The following TMEM117 variants were observed in gnomAD, a reference collection of about 807,000 sequenced individuals.
TMEM117 encodes the protein transmembrane protein 117.
In TMEM117, 27 loss-of-function variants were observed where a neutral mutation model predicts 52.4. The ratio of observed to expected loss-of-function variants is 0.51; its 90% CI spans 0.38 to 0.71. The LOEUF (loss-of-function observed/expected upper bound fraction) is 0.71, where lower values mean the gene tolerates loss of function less well. Ranked by LOEUF, TMEM117 falls within the 30% of genes least tolerant of loss-of-function variation. The probability of loss-of-function intolerance (pLI) is 0.00; values close to 1 mark genes in which losing one functional copy is unlikely to be tolerated. For missense variants in TMEM117, 556 were observed against 630.5 expected, an observed-to-expected ratio of 0.88 and a Z score of 1.26; for synonymous variants, 215 against 206.3, an observed-to-expected ratio of 1.04 and a Z score of -0.36.
chr12:44,300,772 C>A (rs762656913), intron 6 of TMEM117, among the ~76,000 whole-genome samples: 1 of 151,902 alleles, frequency 6.6e-6, no homozygotes, highest in African/African-American at 2.4e-5. Flanking sequence ...AGAGGTAAAA[C>A]GGAATATTTT....
At chr12:44,009,041 A>G in intron 3 of TMEM117, 1 of 377,432 alleles carries the variant, frequency 2.6e-6, no homozygotes, top group Non-Finnish European at 5.2e-6. Context: ...AGCTTTTCCC[A>G]CATTCCTGAC....
the TMEM117 span, chr12:43,800,673 C>G: frequency 3.4e-6 from 2 of 594,046 alleles, no homozygotes; most frequent in Non-Finnish European, 5.9e-6. Flanking sequence ...TGCTAAAATA[C>G]GTGTGTACAA....
chr12:44,221,964 G>C (rs1388320102), intron 5 of TMEM117, among the ~76,000 whole-genome samples: 1 of 152,112 alleles, frequency 6.6e-6, no homozygotes. Context: ...CTCCCAAAGT[G>C]TTGGGATTAC....
At chr12:44,036,821 T>A (rs892033371) in intron 3 of TMEM117, among the ~76,000 whole-genome samples, 1 of 152,256 alleles carries the variant, frequency 6.6e-6, no homozygotes, top group Non-Finnish European at 1.5e-5. Flanking sequence ...GTTGTACCAA[T>A]TTATACTCTT....
chr12:44,117,051 C>G (rs1948156697), intron 3 of TMEM117, among the ~76,000 whole-genome samples: 1 of 152,158 alleles, frequency 6.6e-6, no homozygotes, highest in African/African-American at 2.4e-5. Context: ...AAACTCTCTC[C>G]CTTGTACTTG....
chr12:44,215,718 T>G (rs559454911), intron 5 of TMEM117, among the ~76,000 whole-genome samples: 1 of 146,980 alleles, frequency 6.8e-6, no homozygotes, highest in South Asian at 2.1e-4. Context: ...TCCCAAAGCC[T>G]TAGCTTTTTT....
intron 3 of TMEM117, among the ~76,000 whole-genome samples, chr12:44,055,777 T>G (rs1033985488): frequency 5.9e-5 from 9 of 152,212 alleles, no homozygotes; most frequent in African/African-American, 1.9e-4. Context: ...TCTCTTTAAG[T>G]AAAAATTTTA....
At chr12:44,163,465 G>T (rs946688634) in intron 4 of TMEM117, among the ~76,000 whole-genome samples, 4 of 151,984 alleles carry the variant, frequency 2.6e-5, no homozygotes, top group Non-Finnish European at 5.9e-5. Context: ...TTTTATTGAA[G>T]GTATGAAAAG....
At chr12:44,038,353 C>T (rs557716590) in intron 3 of TMEM117, among the ~76,000 whole-genome samples, 9 of 152,306 alleles carry the variant, frequency 5.9e-5, no homozygotes, top group African/African-American at 1.7e-4. Context: ...TTGTGTTCCC[C>T]AGTGCCAGCC....
chr12:43,805,654 AAC>A, the TMEM117 span: 31 of 632,810 alleles, frequency 4.9e-5, no homozygotes, highest in Non-Finnish European at 8.0e-5. Context: ...AAAAGATCAA[AAC>A]ACACGCTTAC....
chr12:44,190,927 T>G (rs927514922), intron 4 of TMEM117, among the ~76,000 whole-genome samples: 1 of 147,668 alleles, frequency 6.8e-6, no homozygotes, highest in Non-Finnish European at 1.5e-5. Context: ...ACTAGTAATA[T>G]ATATACTATA....
At chr12:44,133,047 C>T (rs1463138146) in intron 3 of TMEM117, among the ~76,000 whole-genome samples, 1 of 152,168 alleles carries the variant, frequency 6.6e-6, no homozygotes, top group Non-Finnish European at 1.5e-5. Flanking sequence ...TTTGAGACTG[C>T]AGGGCATCAG....
At chr12:44,152,556 ATAT>A (rs1426672335) in intron 4 of TMEM117, among the ~76,000 whole-genome samples, 1,709 of 120,660 alleles carry the variant, frequency 0.014, 50 homozygotes, top group African/African-American at 0.054. Context: ...TTTATATATA[ATAT>A]TTATATCATA....
At chr12:44,230,621 G>C (rs1949920085) in intron 5 of TMEM117, among the ~76,000 whole-genome samples, 1 of 151,902 alleles carries the variant, frequency 6.6e-6, no homozygotes, top group Non-Finnish European at 1.5e-5. Flanking sequence ...CTAAAAGACA[G>C]ATCAAAATGT....
chr12:44,044,211 G>C (rs1168082), intron 3 of TMEM117, among the ~76,000 whole-genome samples: 13,000 of 152,272 alleles, frequency 0.085, 659 homozygotes, highest in African/African-American at 0.14. Context: ...TGCTCTTCTT[G>C]AGGTGTCAGT....
intron 2 of TMEM117, among the ~76,000 whole-genome samples, chr12:43,903,207 G>C (rs1944332901): frequency 6.6e-6 from 1 of 152,166 alleles, no homozygotes; most frequent in Non-Finnish European, 1.5e-5. Context: ...AAGAAAAGTG[G>C]ATGCCATGAA....
At chr12:43,902,498 A>G (rs138430060) in intron 2 of TMEM117, among the ~76,000 whole-genome samples, 8 of 152,314 alleles carry the variant, frequency 5.3e-5, no homozygotes, top group African/African-American at 1.9e-4. Flanking sequence ...ACATTGAGCT[A>G]AAGTTCCCTT....
chr12:44,001,343 C>T (rs560432173), intron 3 of TMEM117, among the ~76,000 whole-genome samples: 1 of 152,298 alleles, frequency 6.6e-6, no homozygotes, highest in South Asian at 2.1e-4. Flanking sequence ...GGAGAAAGTA[C>T]AGGAGAGGTG....
At chr12:43,832,872 T>C (rs1942990788), upstream of TMEM117, among the ~76,000 whole-genome samples, 1 of 152,212 alleles carries the variant, frequency 6.6e-6, no homozygotes, top group African/African-American at 2.4e-5. Context: ...CACAGGTCTT[T>C]AATACATGTA....
Sources: gnomAD v4.1 joint callset for allele counts (sites outside exome capture counted in the v4.1 genomes callset) on GRCh38, gnomAD v4.1.1 for gene constraint, MANE v1.5 for transcripts, NCBI Gene and HGNC (gene_info 2026-07-23, HGNC 2026-07-21) for gene names.